Variants in PDZRN3 observed in about 807,000 individuals in gnomAD.
PDZRN3 encodes the protein PDZ domain containing ring finger 3.
In PDZRN3, 38 loss-of-function variants were observed where a neutral mutation model predicts 85.7. That is an observed-to-expected ratio of 0.44 (90% CI 0.34 to 0.58). The LOEUF is 0.58. Ranked by LOEUF, PDZRN3 falls within the 20% of genes least tolerant of loss-of-function variation. The probability of loss-of-function intolerance (pLI) is 0.01; values close to 1 mark genes in which losing one functional copy is unlikely to be tolerated. For synonymous variants in PDZRN3, 759 were observed against 638.0 expected (o/e 1.19, Z -2.86); for missense variants, 1,629 against 1,506.4 (o/e 1.08, Z -1.35).
chr3:73,521,906 CAA>C (rs1704376645), intron 3 of PDZRN3, among the ~76,000 whole-genome samples: 1 of 152,084 alleles, frequency 6.6e-6, no homozygotes, highest in South Asian at 2.1e-4. Context: ...TCTGTTTTGT[CAA>C]AGTTCTAAGA....
chr3:73,496,904 T>A (rs1703878359), intron 3 of PDZRN3, among the ~76,000 whole-genome samples: 1 of 152,212 alleles, frequency 6.6e-6, no homozygotes, highest in Non-Finnish European at 1.5e-5. Flanking sequence ...TCCTCTCCCG[T>A]CCTGTATTTG....
chr3:73,433,863 A>G (rs1313373468), intron 3 of PDZRN3: 16 of 1,437,190 alleles, frequency 1.1e-5, no homozygotes, highest in Non-Finnish European at 1.5e-5. Flanking sequence ...AGGCTAGACA[A>G]CAACTCTCTC....
chr3:73,519,565 T>A (rs1704316111), intron 3 of PDZRN3, among the ~76,000 whole-genome samples: 1 of 152,176 alleles, frequency 6.6e-6, no homozygotes, highest in Non-Finnish European at 1.5e-5. Flanking sequence ...GTGGGATCAT[T>A]AATTGTTTCT....
chr3:73,445,988 C>T (rs948355428), intron 3 of PDZRN3, among the ~76,000 whole-genome samples: 3 of 152,306 alleles, frequency 2.0e-5, no homozygotes, highest in East Asian at 3.9e-4. Context: ...CATCAATGTG[C>T]GTCCAAATGT....
intron 3 of PDZRN3, among the ~76,000 whole-genome samples, chr3:73,566,010 A>G (rs1357076123): frequency 6.6e-6 from 1 of 152,232 alleles, no homozygotes; most frequent in African/African-American, 2.4e-5. Context: ...ACCTCCAGAA[A>G]AGTCAAACAG....
Position 73,454,364 on chromosome 3 carries a change from C to G in PDZRN3, c.919-49969G>C, listed in dbSNP as rs558149195. 1.2e-3 allele frequency among the ~76,000 whole-genome samples: 176 copies of G among 152,202 alleles called. 2 individuals are homozygous for G. The Middle Eastern group carries it at 0.017, about 15-fold the overall frequency. ...CCTCTTTCTTTTCCCTCACCAAAACCCATCAGCAATGACACCTCAACCCCC... is the reference window on the plus strand; with the variant it reads ...CCTCTTTCTTTTCCCTCACCAAAACGCATCAGCAATGACACCTCAACCCCC... On this transcript the variant is annotated intron_variant, in intron 3 of 9. Transcript: ENST00000263666.
intron 3 of PDZRN3, among the ~76,000 whole-genome samples, chr3:73,455,642 C>T (rs928847988): frequency 2.6e-5 from 4 of 152,224 alleles, no homozygotes; most frequent in African/African-American, 7.2e-5. Context: ...AGATGAACAA[C>T]CTTTATTTAT....
intron 3 of PDZRN3, among the ~76,000 whole-genome samples, chr3:73,593,240 A>C (rs1202412252): frequency 6.6e-6 from 1 of 152,218 alleles, no homozygotes; most frequent in Non-Finnish European, 1.5e-5. Context: ...TATGGTCCTC[A>C]GGAAATTACC....
At chr3:73,389,938 C>T in intron 6 of PDZRN3, 60 bp from the exon 7 acceptor site, 1 of 1,220,558 alleles carries the variant, frequency 8.2e-7, no homozygotes, top group South Asian at 1.2e-5. Context: ...TAAGCAACAG[C>T]ACTTTCAAAA....
chr3:73,434,078 T>C (rs1229447161), intron 3 of PDZRN3: 1 of 432,342 alleles, frequency 2.3e-6, no homozygotes, highest in Non-Finnish European at 3.1e-6. Context: ...TAACAGACAA[T>C]GATACAGAAG....
intron 3 of PDZRN3, among the ~76,000 whole-genome samples, chr3:73,411,762 G>C (rs758114597): frequency 3.3e-5 from 5 of 152,180 alleles, no homozygotes; most frequent in Non-Finnish European, 7.3e-5. Flanking sequence ...CATGAAAGTC[G>C]CTATCAGCCA....
chr3:73,421,606 A>C (rs1702204264), intron 3 of PDZRN3, among the ~76,000 whole-genome samples: 1 of 152,222 alleles, frequency 6.6e-6, no homozygotes. Flanking sequence ...GCAAGATATA[A>C]GATATCACCT....
intron 2 of PDZRN3, among the ~76,000 whole-genome samples, chr3:73,604,162 A>G (rs1013059893): frequency 1.3e-5 from 2 of 152,168 alleles, no homozygotes; most frequent in African/African-American, 4.8e-5. Context: ...ACCCTTTACC[A>G]TCTGAATACC....
chr3:73,600,070 GGGCT>G (rs1233146182), intron 3 of PDZRN3, among the ~76,000 whole-genome samples: 1 of 151,622 alleles, frequency 6.6e-6, no homozygotes, highest in African/African-American at 2.4e-5. Context: ...GGGAGGAGCT[GGGCT>G]GGCACCGATG....
At chr3:73,387,803 G>GCTAA (rs1481931717) in intron 8 of PDZRN3, among the ~76,000 whole-genome samples, 165 bp downstream of exon 8, 2 of 152,208 alleles carry the variant, frequency 1.3e-5, no homozygotes, top group African/African-American at 4.8e-5. Flanking sequence ...ACCTTAAATG[G>GCTAA]CTAACTCATA....
chr3:73,388,725 A>G lies in PDZRN3; in HGVS notation c.1417-656T>C, dbSNP rs60379631. ...CTGAATTGGAAGTGGAGGCTTCCAT[A>G]TGCCTCCTTACACTAGTGAGCCAAC... is the stretch of plus-strand genomic sequence containing the variant. On this transcript the variant is annotated intron_variant, in intron 7 of 9. Coordinates refer to ENST00000263666, the MANE Select transcript of PDZRN3 (RefSeq NM_015009.3). Among the ~76,000 whole-genome samples the G allele has an allele frequency of 9.3e-3, 1,410 of 151,970 alleles. 16 individuals are homozygous for G. The highest frequency in any genetic ancestry group is 0.032 in the African/African-American group (1,321 of 41,434).
At chr3:73,474,667 C>T (rs1413196562) in intron 3 of PDZRN3, 1 of 1,109,712 alleles carries the variant, frequency 9.0e-7, no homozygotes, top group African/African-American at 1.6e-5. Context: ...TTTAAGATCA[C>T]AGAATAGGGA....
chr3:73,615,112 C>T (rs1702741504), intron 1 of PDZRN3, among the ~76,000 whole-genome samples: 1 of 152,044 alleles, frequency 6.6e-6, no homozygotes, highest in African/African-American at 2.4e-5. Context: ...AGAGCTTTTC[C>T]AGAGTCATAA....
intron 3 of PDZRN3, among the ~76,000 whole-genome samples, chr3:73,563,011 A>ATTTTTT (rs1559739770): frequency 6.0e-4 from 23 of 38,206 alleles, no homozygotes; most frequent in African/African-American, 2.8e-3. Context: ...ATATATATAT[A>ATTTTTT]TATTTTTTTT....
Sources: gnomAD v4.1 joint callset for allele counts (sites outside exome capture counted in the v4.1 genomes callset) on GRCh38, gnomAD v4.1.1 for gene constraint, MANE v1.5 for transcripts, NCBI Gene and HGNC (gene_info 2026-07-23, HGNC 2026-07-21) for gene names.